The following AKAP13 variants were observed in gnomAD, a reference collection of about 807,000 sequenced individuals.
The protein encoded by AKAP13 is A-kinase anchoring protein 13, also known as A-kinase anchor protein 13.
Under a neutral mutation model 264.5 loss-of-function variants are expected in AKAP13, and 80 were observed. The observed-to-expected ratio is 0.30, with a 90% CI of 0.25 to 0.36. AKAP13 has a LOEUF of 0.36. Ranked by LOEUF, AKAP13 falls within the 10% of genes least tolerant of loss-of-function variation. The probability of loss-of-function intolerance (pLI) is 1.00; values close to 1 mark genes in which losing one functional copy is unlikely to be tolerated. For missense variants in AKAP13, 3,712 were observed against 3,435.2 expected (o/e 1.08, Z -2.01); for synonymous variants, 1,380 against 1,250.2 (o/e 1.10, Z -2.19).
chr15:85,651,285 A>G (rs543940045), intron 10 of AKAP13, among the ~76,000 whole-genome samples: 5 of 152,334 alleles, frequency 3.3e-5, no homozygotes, highest in African/African-American at 9.6e-5. Context: ...CCCACTACTT[A>G]GATCCTACAA....
intron 19 of AKAP13, among the ~76,000 whole-genome samples, chr15:85,714,699 T>C (rs772340419): frequency 6.6e-6 from 1 of 152,234 alleles, no homozygotes; most frequent in Non-Finnish European, 1.5e-5. Context: ...CCAGGTGCAG[T>C]GGCTCACGCC....
In AKAP13 at chr15:85,528,336, C is replaced by G. The variant is rs143797752; in HGVS notation, c.182-5248C>G. The stretch of plus-strand genomic sequence containing the variant: ...TTTTTGTTTATTCTTTCCCTCCTCA[C>G]TTAATTTTTTTAGTTCTATAGTGCC... On this transcript the variant is annotated intron_variant, in intron 3 of 36. Transcript: ENST00000394518. Among the ~76,000 whole-genome samples, 290 of 152,276 alleles carry G rather than the reference C, an allele frequency of 1.9e-3. 1 individual carries two copies. The highest frequency in any genetic ancestry group is 6.6e-3 in the African/African-American group (274 of 41,566).
In AKAP13 at chr15:85,684,604, T is replaced by C. The variant is rs2084792502; in HGVS notation, c.5157-137T>C. ...GGATCTAAGGAAACTTAGCCAAGTT[T>C]TGATAACAGAACCTGGGCGTTGTGG... is the stretch of plus-strand genomic sequence containing the variant. On this transcript the variant is annotated intron_variant, in intron 15 of 36. Transcript: ENST00000394518. 47 of 897,864 alleles carry C rather than the reference T, an allele frequency of 5.2e-5. No homozygotes were observed. In the South Asian group the frequency reaches 8.5e-4, roughly 16 times the overall value. The allele number at this position is 897,864 out of a possible 1,614,324, so 55.6% of individuals were successfully genotyped here. A position where few individuals can be genotyped will look rare whatever the true frequency, so the allele number is the denominator to read the frequency against.
At chr15:85,668,699 TG>T (rs1478045887) in intron 13 of AKAP13, among the ~76,000 whole-genome samples, 2 of 152,144 alleles carry the variant, frequency 1.3e-5, no homozygotes, top group African/African-American at 4.8e-5. Flanking sequence ...CCCAGCACTT[TG>T]GGAGGCTGAG....
At position 85,579,010 on chromosome 15, in the gene AKAP13, T is replaced by C; in HGVS notation, c.942T>C (p.Asp314=). Residue 314 remains aspartate, a synonymous_variant, in exon 7 of 37, where the codon GAT becomes GAC. Coordinates refer to ENST00000394518, the MANE Select transcript of AKAP13 (RefSeq NM_007200.5). ...ATCCTTCCAGTGCCCCAGAGACAGA[T>C]GGCCAGTTTCTTCCCTGTGCACCGG... The part of the protein sequence containing the change: ...AQDPSSAPET[D]GQFLPCAPEP... 2.5e-6 allele frequency: 4 copies of C among 1,614,064 alleles called. No individual in the cohort carries two copies. Among genetic ancestry groups the C allele is most frequent in the Non-Finnish European group, 3.4e-6 (4 of 1,180,016 alleles).
intron 1 of AKAP13, among the ~76,000 whole-genome samples, chr15:85,466,552 A>G (rs2074748399): frequency 6.6e-6 from 1 of 152,232 alleles, no homozygotes; most frequent in Non-Finnish European, 1.5e-5. Flanking sequence ...GAAGGGATCC[A>G]GTTTCAGCTT....
In AKAP13 at chr15:85,741,190, G is replaced by C; in HGVS notation, c.7753G>C (p.Ala2585Pro). Residue 2585 changes from alanine (A) to proline (P), a missense_variant, in exon 35 of 37, where the codon GCC becomes CCC. Ala to Pro is a conservative substitution (Grantham distance 27, BLOSUM62 -1). Coordinates refer to ENST00000394518, the MANE Select transcript of AKAP13 (RefSeq NM_007200.5). ...RSLEKQRQDL[A>P]NLQKQQAQYL... Reference sequence around the variant, plus strand: ...CCTGGAGAAGCAGCGCCAGGACCTGGCCAACCTGCAGAAGCAGCAGGCCCA... The same window carrying C: ...CCTGGAGAAGCAGCGCCAGGACCTGCCCAACCTGCAGAAGCAGCAGGCCCA... 1.2e-6 allele frequency: 2 copies of C among 1,610,762 alleles called. No homozygotes were observed. The highest frequency in any genetic ancestry group is 1.1e-5 in the South Asian group (1 of 90,690).
intron 1 of AKAP13, among the ~76,000 whole-genome samples, chr15:85,455,727 T>C (rs1238611965): frequency 6.6e-6 from 1 of 152,166 alleles, no homozygotes; most frequent in Non-Finnish European, 1.5e-5. Context: ...TGCTTCCCTT[T>C]CAAAGGCGCA....
chr15:85,599,679 G>T (rs1361702141), intron 8 of AKAP13, among the ~76,000 whole-genome samples: 1 of 152,014 alleles, frequency 6.6e-6, no homozygotes, highest in Non-Finnish European at 1.5e-5. Context: ...TCTGTTTCTT[G>T]GCATAACTCT....
At chr15:85,434,721 C>A (rs1210971185) in intron 1 of AKAP13, among the ~76,000 whole-genome samples, 1 of 152,174 alleles carries the variant, frequency 6.6e-6, no homozygotes, top group Non-Finnish European at 1.5e-5. Flanking sequence ...ACTGACACCT[C>A]ACACGGCAGG....
chr15:85,502,387 T>G (rs1249520361), intron 2 of AKAP13, among the ~76,000 whole-genome samples: 16 of 152,350 alleles, frequency 1.1e-4, no homozygotes, highest in Middle Eastern at 3.4e-3. Flanking sequence ...TGAGAAGCAT[T>G]TAACATATGT....
At chr15:85,555,719 G>A (rs935396990) in intron 5 of AKAP13, among the ~76,000 whole-genome samples, 2 of 152,178 alleles carry the variant, frequency 1.3e-5, no homozygotes, top group Non-Finnish European at 1.5e-5. Flanking sequence ...TGCTAGGCAA[G>A]GTAAGAAGGC....
At chr15:85,414,236 C>T (rs182954761) in intron 1 of AKAP13, among the ~76,000 whole-genome samples, 9 of 152,104 alleles carry the variant, frequency 5.9e-5, no homozygotes, top group Admixed American at 1.3e-4. Context: ...CAGGCTTTGA[C>T]GGGGCAAATT....
chr15:85,512,952 G>GTTCA (rs919551940), intron 2 of AKAP13, among the ~76,000 whole-genome samples: 47 of 152,012 alleles, frequency 3.1e-4, no homozygotes, highest in Non-Finnish European at 5.7e-4. Context: ...TGCCTCCTGG[G>GTTCA]TTCACGCCAT....
intron 1 of AKAP13, among the ~76,000 whole-genome samples, chr15:85,455,639 C>T (rs562723554): frequency 1.3e-5 from 2 of 151,850 alleles, no homozygotes; most frequent in African/African-American, 4.8e-5. Flanking sequence ...GTTACCAATC[C>T]CTTGGATGAT....
chr15:85,530,037 G>A (rs1214645285), intron 3 of AKAP13, among the ~76,000 whole-genome samples: 1 of 151,964 alleles, frequency 6.6e-6, no homozygotes, highest in East Asian at 1.9e-4. Context: ...CTGCCTTCTC[G>A]GTTATACAGT....
intron 5 of AKAP13, among the ~76,000 whole-genome samples, chr15:85,547,032 G>A (rs1393576838): frequency 1.3e-5 from 2 of 152,160 alleles, no homozygotes; most frequent in Admixed American, 6.5e-5. Flanking sequence ...GTGAGCCACC[G>A]CGCCCAGCCA....
intron 8 of AKAP13, among the ~76,000 whole-genome samples, chr15:85,598,192 C>T (rs2079902115): frequency 6.6e-6 from 1 of 152,140 alleles, no homozygotes; most frequent in Non-Finnish European, 1.5e-5. Context: ...TGGACTCCCC[C>T]TGCCATGCTG....
chr15:85,676,873 C>T lies in AKAP13; in HGVS notation c.5102-5285C>T, dbSNP rs1044642141. ...ACATCATTCACCTAGACAGCATTTC[C>T]CGGAACCGCATAGGCCATTGACATT... On this transcript the variant is annotated intron_variant, in intron 14 of 36. Transcript: ENST00000394518. 1.6e-5 allele frequency: 15 copies of T among 915,868 alleles called. No individual in the cohort carries two copies. In the African/African-American group the frequency reaches 2.5e-4, roughly 15 times the overall value. The allele number at this position is 915,868 out of a possible 1,614,324, so 56.7% of individuals were successfully genotyped here. A position where few individuals can be genotyped will look rare whatever the true frequency, so the allele number is the denominator to read the frequency against.
Sources: allele counts gnomAD v4.1 joint callset (sites outside exome capture counted in the v4.1 genomes callset), GRCh38; gene constraint gnomAD v4.1.1; transcripts MANE v1.5; gene names NCBI Gene and HGNC (gene_info 2026-07-23, HGNC 2026-07-21).